MRPS35: variants seen among roughly 807,000 people sequenced by gnomAD.
MRPS35 encodes mitochondrial ribosomal protein S35.
Under a neutral mutation model 32.7 loss-of-function variants are expected in MRPS35, and 29 were observed. That is an observed-to-expected ratio of 0.89 (90% CI 0.66 to 1.21). The LOEUF (loss-of-function observed/expected upper bound fraction) is 1.21. Among genes scored for constraint, MRPS35 ranks in the 50% most tolerant of loss-of-function variants. The pLI is 0.00. For synonymous variants in MRPS35, 148 were observed against 139.3 expected (o/e 1.06, Z -0.44); for missense variants, 373 against 383.8 (o/e 0.97, Z 0.23).
In MRPS35 at chr12:27,755,225, A is replaced by G; in HGVS notation, c.747A>G (p.Glu249=). The G allele has an allele frequency of 1.3e-6, 2 of 1,598,632 alleles. No individual in the cohort carries two copies. Among genetic ancestry groups the G allele is most frequent in the Non-Finnish European group, 1.7e-6 (2 of 1,176,408 alleles). The change falls in exon 8 of 8, where the codon GAA becomes GAG. Residue 249 remains glutamate, a synonymous_variant. Coordinates refer to ENST00000081029, the MANE Select transcript of MRPS35 (RefSeq NM_021821.4). ...AAAGTAAGACTGAAGCAGACATGGA[A>G]GAGTATATATGGGAAAATAGCTCAT... ...WEKSKTEADM[E]EYIWENSSSE...
intron 4 of MRPS35, among the ~76,000 whole-genome samples, chr12:27,721,693 T>G (rs1360072357): frequency 6.6e-6 from 1 of 152,206 alleles, no homozygotes; most frequent in African/African-American, 2.4e-5. Flanking sequence ...AACAAGTTTT[T>G]GTCCCGTTTG....
At chr12:27,715,533 C>CTAT (rs2061846439) in intron 2 of MRPS35, among the ~76,000 whole-genome samples, 1 of 152,174 alleles carries the variant, frequency 6.6e-6, no homozygotes, top group Non-Finnish European at 1.5e-5. Flanking sequence ...ATGGAGGAAT[C>CTAT]TAAACGATAA....
At chr12:27,716,550 C>T in intron 3 of MRPS35, 92 bp downstream of exon 3, 1 of 1,161,354 alleles carries the variant, frequency 8.6e-7, no homozygotes, top group African/African-American at 1.6e-5. Context: ...CTTCACCGTT[C>T]AGTGTATAGC....
chr12:27,725,678 T>A (rs1369527326), intron 5 of MRPS35: 1 of 159,946 alleles, frequency 6.3e-6, no homozygotes, highest in African/African-American at 2.4e-5. Context: ...GTAAAAAATT[T>A]GTCTTATATT....
rs1487626587 is a variant in MRPS35 at position 27,755,172 on chromosome 12, T to G, written c.703-9T>G. Reference sequence around the variant, plus strand: ...AGAACTCATTTTTTTTTGTTTTGTTTTGTTTCAGAATACTGAAGAATGGGA... The same window carrying G: ...AGAACTCATTTTTTTTTGTTTTGTTGTGTTTCAGAATACTGAAGAATGGGA... On this transcript the variant is annotated splice_polypyrimidine_tract_variant and intron_variant, in intron 7 of 7. Coordinates refer to ENST00000081029, the MANE Select transcript of MRPS35 (RefSeq NM_021821.4). The G allele has an allele frequency of 1.3e-6, 2 of 1,496,488 alleles. No homozygotes were observed. Among genetic ancestry groups the G allele is most frequent in the African/African-American group, 2.9e-5 (2 of 69,522 alleles). 92.7% of individuals were successfully genotyped at this position (1,496,488 alleles called of 1,614,324 possible).
chr12:27,736,542 ATATGTTTTATGG>A (rs1414143884), intron 6 of MRPS35, among the ~76,000 whole-genome samples: 1 of 150,788 alleles, frequency 6.6e-6, no homozygotes, highest in Non-Finnish European at 1.5e-5. Flanking sequence ...TAGTGTATGG[ATATGTTTTATGG>A]TAACTATTTA....
rs372872156 is a variant in MRPS35, at chr12:27,755,447, A to G, written c.969A>G (p.Thr323=). ...CCGTGAAGAGACTATTAAATGTGAC[A>G]TGAATTATGGAGTAGAAAAATCTGC... ...KESVKRLLNV[T] is the part of the protein sequence containing the mutation. The change falls in exon 8 of 8, where the codon ACA becomes ACG. Residue 323 remains threonine, a synonymous_variant. Coordinates refer to ENST00000081029, the MANE Select transcript of MRPS35 (RefSeq NM_021821.4). 19 of 1,556,772 alleles carry G rather than the reference A, an allele frequency of 1.2e-5. No homozygotes were observed. Among genetic ancestry groups the G allele is most frequent in the Non-Finnish European group, 1.5e-5 (17 of 1,160,668 alleles).
chr12:27,733,024 A>C lies in MRPS35; in HGVS notation c.523-2423A>C, dbSNP rs867982288. Among the ~76,000 whole-genome samples the C allele has an allele frequency of 2.9e-3, 86 of 29,934 alleles. No individual in the cohort carries two copies. The East Asian group carries it at 0.037, about 13-fold the overall frequency. 19.6% of individuals were successfully genotyped at this position (29,934 alleles called of 152,430 possible). A position where few individuals can be genotyped will look rare whatever the true frequency, so the allele number is the denominator to read the frequency against. ...TATATATATATATATATATATATAT[A>C]TATATATATATATATATCCAGCACC... On this transcript the variant is annotated intron_variant, in intron 5 of 7. Coordinates refer to ENST00000081029, the MANE Select transcript of MRPS35 (RefSeq NM_021821.4).
intron 4 of MRPS35, among the ~76,000 whole-genome samples, chr12:27,723,569 CTGT>C (rs892031041): frequency 2.0e-5 from 3 of 152,226 alleles, no homozygotes; most frequent in African/African-American, 7.2e-5. Flanking sequence ...TTCTAGACGA[CTGT>C]TGACTCCATC....
chr12:27,751,610 T>G (rs942870138), intron 7 of MRPS35, among the ~76,000 whole-genome samples: 2 of 152,160 alleles, frequency 1.3e-5, no homozygotes, highest in Non-Finnish European at 2.9e-5. Flanking sequence ...GGTCAGCAGC[T>G]TAACCCTTTA....
intron 3 of MRPS35, among the ~76,000 whole-genome samples, chr12:27,718,562 C>G (rs2061860266): frequency 6.6e-6 from 1 of 152,166 alleles, no homozygotes; most frequent in African/African-American, 2.4e-5. Flanking sequence ...CTAATAAATG[C>G]TAATTATTTA....
chr12:27,747,453 T>C (rs762863318), intron 7 of MRPS35, among the ~76,000 whole-genome samples: 5 of 149,882 alleles, frequency 3.3e-5, no homozygotes, highest in Non-Finnish European at 7.4e-5. Flanking sequence ...TAAAACTTAA[T>C]TGAATTCTTT....
At chr12:27,717,302 C>G (rs971180996) in intron 3 of MRPS35, among the ~76,000 whole-genome samples, 1 of 152,164 alleles carries the variant, frequency 6.6e-6, no homozygotes, top group Non-Finnish European at 1.5e-5. Context: ...TAAATTTTTT[C>G]TGTCCATAAA....
intron 7 of MRPS35, among the ~76,000 whole-genome samples, chr12:27,741,994 G>A (rs1482062705): frequency 1.3e-5 from 2 of 152,180 alleles, no homozygotes; most frequent in Non-Finnish European, 2.9e-5. Flanking sequence ...GCCAAGCAGT[G>A]TTGCATTCCT....
intron 7 of MRPS35, among the ~76,000 whole-genome samples, chr12:27,754,725 C>A (rs911944259): frequency 6.9e-6 from 1 of 144,374 alleles, no homozygotes. Flanking sequence ...TGTGATTGTG[C>A]CACTGCACTC....
chr12:27,731,516 C>G (rs2061921924), intron 5 of MRPS35, among the ~76,000 whole-genome samples: 1 of 152,002 alleles, frequency 6.6e-6, no homozygotes, highest in Admixed American at 6.6e-5. Flanking sequence ...TTGTAGTTTT[C>G]TTTCTTTGCT....
At chr12:27,733,284 A>G (rs35725293) in intron 5 of MRPS35, among the ~76,000 whole-genome samples, 13,366 of 151,986 alleles carry the variant, frequency 0.088, 1,919 homozygotes, top group African/African-American at 0.3. Flanking sequence ...TTCCTGAAAT[A>G]TTTATGATTT....
intron 7 of MRPS35, among the ~76,000 whole-genome samples, chr12:27,746,986 A>G (rs1165682420): frequency 6.6e-6 from 1 of 152,168 alleles, no homozygotes; most frequent in Admixed American, 6.5e-5. Flanking sequence ...TTGTTCAAAA[A>G]AACAAGTCTC....
At chr12:27,720,499 T>G (rs548403384) in intron 4 of MRPS35, among the ~76,000 whole-genome samples, 24 of 152,070 alleles carry the variant, frequency 1.6e-4, no homozygotes, top group African/African-American at 5.8e-4. Flanking sequence ...TATTTAAAAT[T>G]TTAAAAAATT....
Sources: gnomAD v4.1 joint callset for allele counts (sites outside exome capture counted in the v4.1 genomes callset) on GRCh38, gnomAD v4.1.1 for gene constraint, MANE v1.5 for transcripts, NCBI Gene and HGNC (gene_info 2026-07-23, HGNC 2026-07-21) for gene names.